PRKN: variants seen among roughly 807,000 people sequenced by gnomAD.
PRKN encodes E3 ubiquitin-protein ligase parkin.
PRKN carries 56 observed loss-of-function variants against 59.5 expected under a neutral mutation model. The ratio of observed to expected loss-of-function variants is 0.94; its 90% confidence interval spans 0.76 to 1.18. The LOEUF is 1.18. Among genes scored for constraint, PRKN ranks in the 50% most tolerant of loss-of-function variants. The pLI is 0.00. For synonymous variants in PRKN, 250 were observed against 222.1 expected (o/e 1.13, Z -1.12); for missense variants, 657 against 596.4 (o/e 1.10, Z -1.06).
At chr6:161,589,536 C>T (rs1781639567) in intron 7 of PRKN, among the ~76,000 whole-genome samples, 1 of 151,226 alleles carries the variant, frequency 6.6e-6, no homozygotes, top group Admixed American at 6.6e-5. Context: ...AGGTAGATAA[C>T]TCGTGGTCAA....
intron 1 of PRKN, among the ~76,000 whole-genome samples, chr6:162,498,393 C>CT (rs60024002): frequency 0.046 from 1,001 of 21,534 alleles, 100 homozygotes; most frequent in Non-Finnish European, 0.075. Flanking sequence ...TCTTTCTTTC[C>CT]TTTTTTTTTT....
chr6:161,977,976 T>C (rs577267778), intron 5 of PRKN, among the ~76,000 whole-genome samples: 2 of 151,298 alleles, frequency 1.3e-5, no homozygotes, highest in East Asian at 1.9e-4. Flanking sequence ...TTCTCAATAA[T>C]AACACCTTTT....
chr6:161,992,965 G>A (rs1781706988), intron 5 of PRKN, among the ~76,000 whole-genome samples: 1 of 152,050 alleles, frequency 6.6e-6, no homozygotes, highest in South Asian at 2.1e-4. Context: ...GTACTGCTAA[G>A]AGAAAAGTTT....
chr6:161,926,557 A>T (rs1778977774), intron 6 of PRKN, among the ~76,000 whole-genome samples: 1 of 152,188 alleles, frequency 6.6e-6, no homozygotes. Flanking sequence ...GCAGCAGTTG[A>T]GTTCTTAATA....
chr6:162,611,992 TG>T (rs1782186337), intron 1 of PRKN, among the ~76,000 whole-genome samples: 1 of 150,898 alleles, frequency 6.6e-6, no homozygotes, highest in Non-Finnish European at 1.5e-5. Flanking sequence ...GAGACCATCC[TG>T]GCTAACACGG....
chr6:162,527,280 A>G (rs980355477), intron 1 of PRKN, among the ~76,000 whole-genome samples: 1 of 152,224 alleles, frequency 6.6e-6, no homozygotes, highest in Non-Finnish European at 1.5e-5. Flanking sequence ...CAAGACGCAT[A>G]GTTACAGTGA....
chr6:161,897,929 T>G (rs1027910399), intron 6 of PRKN, among the ~76,000 whole-genome samples: 1 of 108,816 alleles, frequency 9.2e-6, no homozygotes, highest in Non-Finnish European at 1.7e-5. Context: ...ATCGCGCCAC[T>G]GCACTCCAGC....
Position 161,702,884 on chromosome 6 carries a change from A to C in PRKN, c.871+82888T>G, listed in dbSNP as rs375661187. ...GAAATAATTTGATAAATTGTATTTT[A>C]TTATAATAAACCAATTTTGATCTGC... On this transcript the variant is annotated intron_variant, in intron 7 of 11. Coordinates refer to ENST00000366898, the MANE Select transcript of PRKN (RefSeq NM_004562.3). Among the ~76,000 whole-genome samples the C allele has an allele frequency of 5.9e-5, 9 of 152,286 alleles. No individual in the cohort carries two copies. The South Asian group carries it at 1.0e-3, about 18-fold the overall frequency.
intron 2 of PRKN, among the ~76,000 whole-genome samples, chr6:162,307,447 T>C (rs534645280): frequency 9.7e-5 from 14 of 144,114 alleles, no homozygotes; most frequent in Non-Finnish European, 1.5e-4. Flanking sequence ...AAGCAGCAAA[T>C]TAAGCACCAA....
intron 6 of PRKN, among the ~76,000 whole-genome samples, chr6:161,887,596 A>AG (rs1457861444): frequency 6.6e-6 from 1 of 151,466 alleles, no homozygotes; most frequent in Non-Finnish European, 1.5e-5. Flanking sequence ...CAACAATGTT[A>AG]GGGGTCACCA....
chr6:162,525,973 A>T (rs2128194852), intron 1 of PRKN, among the ~76,000 whole-genome samples: 1 of 152,138 alleles, frequency 6.6e-6, no homozygotes, highest in South Asian at 2.1e-4. Flanking sequence ...CCCACCTCTC[A>T]GCTTCAGACT....
intron 9 of PRKN, among the ~76,000 whole-genome samples, chr6:161,437,879 T>A (rs2115074496): frequency 6.6e-6 from 1 of 152,246 alleles, no homozygotes; most frequent in South Asian, 2.1e-4. Flanking sequence ...AATAATACCT[T>A]TCCCCAAATA....
intron 2 of PRKN, among the ~76,000 whole-genome samples, chr6:162,291,964 T>G (rs906485444): frequency 1.3e-3 from 166 of 124,916 alleles, no homozygotes; most frequent in Non-Finnish European, 2.5e-3. Flanking sequence ...TATTATTGTT[T>G]TTTTTTTTTT....
chr6:161,694,428 T>C (rs12210118), intron 7 of PRKN, among the ~76,000 whole-genome samples: 3,819 of 152,276 alleles, frequency 0.025, 67 homozygotes, highest in Middle Eastern at 0.048. Flanking sequence ...TGGGGTTTTT[T>C]TTTAAGCAAT....
intron 1 of PRKN, chr6:162,569,136 G>A (rs1433726830): frequency 4.7e-6 from 3 of 631,724 alleles, no homozygotes; most frequent in Non-Finnish European, 8.8e-6. Context: ...CCTCAGCCGG[G>A]CTGAGGCTAA....
rs1795167295 is a variant in PRKN, at chr6:161,886,749, A to C, written c.734+86553T>G. On this transcript the variant is annotated intron_variant, in intron 6 of 11. Coordinates refer to ENST00000366898, the MANE Select transcript of PRKN (RefSeq NM_004562.3). Reference sequence around the variant, plus strand: ...AACATAAAATAAAATAAAATAATAAAATAAAAAAAAATAAAATAAAATGAA... The same window carrying C: ...AACATAAAATAAAATAAAATAATAACATAAAAAAAAATAAAATAAAATGAA... Among the ~76,000 whole-genome samples the C allele has an allele frequency of 2.1e-5, 3 of 142,196 alleles. No individual in the cohort carries two copies. The South Asian group carries it at 7.0e-4, about 33-fold the overall frequency. The allele number at this position is 142,196 out of a possible 152,430, so 93.3% of individuals were successfully genotyped here.
intron 2 of PRKN, among the ~76,000 whole-genome samples, chr6:162,411,383 C>G (rs1370221250): frequency 6.6e-6 from 1 of 152,006 alleles, no homozygotes; most frequent in Admixed American, 6.6e-5. Context: ...AAAGATGGAC[C>G]ACTTAGACAG....
chr6:161,453,198 ACAGTACTGAGTAG>A (rs2115131715), intron 9 of PRKN, among the ~76,000 whole-genome samples: 1 of 152,268 alleles, frequency 6.6e-6, no homozygotes, highest in African/African-American at 2.4e-5. Flanking sequence ...GAACCAGTGA[ACAGTACTGAGTAG>A]CAGTTAGGAG....
At chr6:162,625,665 G>A (rs1027282414) in intron 1 of PRKN, among the ~76,000 whole-genome samples, 14 of 151,528 alleles carry the variant, frequency 9.2e-5, no homozygotes, top group Middle Eastern at 3.4e-3. Flanking sequence ...GTGTGTATAT[G>A]TATTTATGTA....
Sources: allele counts gnomAD v4.1 joint callset (sites outside exome capture counted in the v4.1 genomes callset), GRCh38; gene constraint gnomAD v4.1.1; transcripts MANE v1.5; gene names NCBI Gene and HGNC (gene_info 2026-07-23, HGNC 2026-07-21).